RALGPS1: variants seen among roughly 807,000 people sequenced by gnomAD.
RALGPS1 encodes ras-specific guanine nucleotide-releasing factor RalGPS1.
Under a neutral mutation model 78.8 loss-of-function variants are expected in RALGPS1, and 19 were observed. That is an observed-to-expected ratio of 0.24 (90% CI 0.17 to 0.35). RALGPS1 has a LOEUF of 0.35. RALGPS1 is among the 10% of genes least tolerant of loss of function. The pLI is 1.00. For missense variants in RALGPS1, 454 were observed against 688.3 expected (o/e 0.66, Z 3.81); for synonymous variants, 228 against 256.3 (o/e 0.89, Z 1.06).
chr9:126,979,277 T>C (rs10987533), intron 4 of RALGPS1, among the ~76,000 whole-genome samples: 1 of 148,002 alleles, frequency 6.8e-6, no homozygotes, highest in Non-Finnish European at 1.5e-5. Context: ...GTGTGTGTGC[T>C]TGTGTCTGTG....
chr9:127,201,509 T>C (rs2061632008), intron 14 of RALGPS1, among the ~76,000 whole-genome samples: 1 of 152,192 alleles, frequency 6.6e-6, no homozygotes, highest in African/African-American at 2.4e-5. Context: ...CCTGAAATAA[T>C]CCACACTCGC....
chr9:127,212,998 C>T lies in RALGPS1; in HGVS notation c.1501C>T (p.Pro501Ser). The change falls in exon 17 of 19, where the codon CCC (proline) becomes TCC (serine). Residue 501 changes from proline (P) to serine (S), a missense_variant. Transcript: ENST00000259351. This position sits in a 1 kb window ranked among gnomAD's most constrained non-coding sequence, Gnocchi z 6.0. ...CATCGTGGGCTGGATGGTGCAGCTG[C>T]CCGATGACCCCGAGCACCCAGATAT... ...VSIVGWMVQL[P>S]DDPEHPDIFQ... 1.9e-6 allele frequency: 3 copies of T among 1,614,210 alleles called. No homozygotes were observed. The highest frequency in any genetic ancestry group is 2.5e-6 in the Non-Finnish European group (3 of 1,180,044).
intron 8 of RALGPS1, among the ~76,000 whole-genome samples, chr9:127,152,606 A>G (rs988660797): frequency 6.6e-6 from 1 of 152,212 alleles, no homozygotes; most frequent in African/African-American, 2.4e-5. Flanking sequence ...TGGTTTCAAG[A>G]GAAAAGGTGT....
intron 4 of RALGPS1, among the ~76,000 whole-genome samples, chr9:127,028,711 G>A (rs575803731): frequency 6.6e-6 from 1 of 152,144 alleles, no homozygotes; most frequent in Non-Finnish European, 1.5e-5. Context: ...ATATTACAAT[G>A]TATCATTTTT....
intron 8 of RALGPS1, among the ~76,000 whole-genome samples, chr9:127,077,444 G>A (rs1009113310): frequency 1.3e-5 from 2 of 152,168 alleles, no homozygotes; most frequent in African/African-American, 4.8e-5. Context: ...TTCAGCTGTG[G>A]GACCCCTTAA....
intron 11 of RALGPS1, among the ~76,000 whole-genome samples, chr9:127,178,773 T>A (rs2060035568): frequency 6.6e-6 from 1 of 152,232 alleles, no homozygotes; most frequent in African/African-American, 2.4e-5. Context: ...ACAAAGACCC[T>A]GTGGCCTGCA....
intron 7 of RALGPS1, among the ~76,000 whole-genome samples, chr9:127,054,996 TGAGAGAGAGAGAGAGA>T (rs10555826): frequency 0.022 from 3,128 of 139,204 alleles, 120 homozygotes; most frequent in African/African-American, 0.077. Context: ...AGAGATTGAT[TGAGAGAGAGAGAGAGA>T]GAGAGAGAGA....
intron 1 of RALGPS1, among the ~76,000 whole-genome samples, chr9:126,952,254 G>A (rs2037893262): frequency 6.6e-6 from 1 of 152,156 alleles, no homozygotes. Flanking sequence ...TGGCATTTTG[G>A]ACTCAGTGGT....
chr9:127,079,182 T>A (rs924704069), intron 8 of RALGPS1, among the ~76,000 whole-genome samples: 1 of 152,188 alleles, frequency 6.6e-6, no homozygotes, highest in Non-Finnish European at 1.5e-5. Flanking sequence ...GACTTCCTGG[T>A]GGGAGGTCCT....
At chr9:127,018,032 C>T (rs2045038243) in intron 4 of RALGPS1, among the ~76,000 whole-genome samples, 1 of 151,474 alleles carries the variant, frequency 6.6e-6, no homozygotes, top group African/African-American at 2.4e-5. Context: ...GCCTGACCAA[C>T]ATGGTGAAAT....
chr9:127,114,393 A>G (rs570394263), intron 8 of RALGPS1, among the ~76,000 whole-genome samples: 9 of 152,330 alleles, frequency 5.9e-5, no homozygotes, highest in South Asian at 4.1e-4. Context: ...ACAGATCCCA[A>G]AATAACCCCC....
intron 4 of RALGPS1, among the ~76,000 whole-genome samples, chr9:127,010,243 C>T (rs2044221780): frequency 6.6e-6 from 1 of 152,148 alleles, no homozygotes; most frequent in Non-Finnish European, 1.5e-5. Flanking sequence ...GTTCATCTCT[C>T]TCCTCTTTGT....
At chr9:127,090,186 G>A (rs995706992) in intron 8 of RALGPS1, among the ~76,000 whole-genome samples, 2 of 152,192 alleles carry the variant, frequency 1.3e-5, no homozygotes, top group South Asian at 4.1e-4. Flanking sequence ...CCTCCTCTTT[G>A]CCAGCGGAGG....
At chr9:127,080,940 G>A (rs941214264) in intron 8 of RALGPS1, among the ~76,000 whole-genome samples, 5 of 152,222 alleles carry the variant, frequency 3.3e-5, no homozygotes, top group African/African-American at 9.6e-5. Flanking sequence ...CTGGTCCCAA[G>A]CATTTTGGAT....
chr9:127,020,225 GCAGGGTTTTT>G (rs2045313747), intron 4 of RALGPS1, among the ~76,000 whole-genome samples: 1 of 152,100 alleles, frequency 6.6e-6, no homozygotes, highest in Non-Finnish European at 1.5e-5. Context: ...CTCGTTTCTT[GCAGGGTTTTT>G]AGCATACTCA....
intron 1 of RALGPS1, among the ~76,000 whole-genome samples, chr9:126,941,982 A>G (rs549526810): frequency 6.6e-6 from 1 of 152,296 alleles, no homozygotes; most frequent in South Asian, 2.1e-4. Flanking sequence ...AAAATAGCTC[A>G]TATTAATCCT....
intron 11 of RALGPS1, among the ~76,000 whole-genome samples, chr9:127,175,055 G>A (rs1334594237): frequency 6.6e-6 from 1 of 152,240 alleles, no homozygotes; most frequent in African/African-American, 2.4e-5. Flanking sequence ...AGAGCCCCAA[G>A]TTGGGAGCAC....
At chr9:127,115,511 G>A (rs2055312621) in intron 8 of RALGPS1, among the ~76,000 whole-genome samples, 2 of 152,204 alleles carry the variant, frequency 1.3e-5, no homozygotes, top group Admixed American at 6.5e-5. Flanking sequence ...ATCTGCATTT[G>A]GCAGTAGAGG....
intron 9 of RALGPS1, among the ~76,000 whole-genome samples, chr9:127,168,394 G>A (rs1242056828): frequency 6.6e-6 from 1 of 152,150 alleles, no homozygotes; most frequent in Admixed American, 6.5e-5. Flanking sequence ...CTGAGTGGAG[G>A]TGCAGCTCCT....
Sources: allele counts gnomAD v4.1 joint callset (sites outside exome capture counted in the v4.1 genomes callset), GRCh38; gene constraint gnomAD v4.1.1; non-coding constraint Gnocchi (gnomAD v3.1); transcripts MANE v1.5; gene names NCBI Gene and HGNC (gene_info 2026-07-23, HGNC 2026-07-21).